Variants in PAN2 observed in about 807,000 individuals in gnomAD.
The protein encoded by PAN2 is poly(A) specific ribonuclease subunit PAN2, also known as PAN2-PAN3 deadenylation complex catalytic subunit PAN2.
In PAN2, 68 loss-of-function variants were observed where a neutral mutation model predicts 133.3. The observed-to-expected ratio is 0.51, with a 90% CI of 0.42 to 0.62. The LOEUF (loss-of-function observed/expected upper bound fraction) is 0.62. Among genes scored for constraint, PAN2 ranks in the 20% least tolerant of loss-of-function variants. The pLI is 0.00. For missense variants in PAN2, 1,042 were observed against 1,500.5 expected (o/e 0.69, Z 5.05); for synonymous variants, 462 against 544.6 (o/e 0.85, Z 2.11).
chr12:56,333,065 C>T lies in PAN2; in HGVS notation c.30G>A (p.Leu10=). The change falls in exon 2 of 26, where the codon CTG becomes CTA. Residue 10 remains leucine, a synonymous_variant. Coordinates refer to ENST00000440411, the MANE Select transcript of PAN2 (RefSeq NM_014871.6). Reference sequence around the variant, plus strand: ...AATGCATGGCTGGGGCATATTCTGCCAGTCCAGGGTCCAGACCCTCAAAGT... The same window carrying T: ...AATGCATGGCTGGGGCATATTCTGCTAGTCCAGGGTCCAGACCCTCAAAGT... The part of the protein sequence containing the change: MNFEGLDPG[L]AEYAPAMHSA... 6.2e-7 allele frequency: 1 copy of T among 1,614,124 alleles called. No homozygotes were observed. The highest frequency in any genetic ancestry group is 8.5e-7 in the Non-Finnish European group (1 of 1,180,026).
intron 2 of PAN2, among the ~76,000 whole-genome samples, chr12:56,329,583 G>A (rs537399325): frequency 6.7e-4 from 102 of 151,168 alleles, no homozygotes; most frequent in African/African-American, 2.1e-3. Context: ...CACCTGCCTC[G>A]GCCTCCCAAA....
Position 56,322,692 on chromosome 12 carries a change from G to A in PAN2, c.2560C>T (p.His854Tyr). The A allele has an allele frequency of 6.2e-7, 1 of 1,614,120 alleles. No homozygotes were observed. The highest frequency in any genetic ancestry group is 8.5e-7 in the Non-Finnish European group (1 of 1,180,008). Residue 854 changes from histidine to tyrosine, a missense_variant, in exon 18 of 26, where the codon CAC becomes TAC. Physicochemically the swap from His to Tyr is moderately conservative, Grantham distance 83. Transcript: ENST00000440411. ...CCCCCTGTGCGTGAGTCCAGGATGTGTACCACAGTAGCCATCAGGTCATAC... is the reference window on the plus strand; with the variant it reads ...CCCCCTGTGCGTGAGTCCAGGATGTATACCACAGTAGCCATCAGGTCATAC... ...YVYDLMATVV[H>Y]ILDSRTGGSL...
chr12:56,327,935 G>A (rs988944130), intron 5 of PAN2, 60 bp downstream of exon 5: 56 of 1,608,490 alleles, frequency 3.5e-5, no homozygotes, highest in South Asian at 5.5e-5. Context: ...AAAGCAGATC[G>A]CAATCAGGTA....
In PAN2 at chr12:56,325,047, G is replaced by T; in HGVS notation, c.1561C>A (p.Pro521Thr). The change falls in exon 10 of 26, where the codon CCC (proline) becomes ACC (threonine). Residue 521 changes from proline to threonine, a missense_variant. Transcript: ENST00000440411. ...YNKTLFAGLE[P>T]HIPNAYCNCM... Reference sequence around the variant, plus strand: ...TTACAGTAGGCGTTGGGAATGTGGGGCTCTAATCCAGCAAACAAGGTCTTA... The same window carrying T: ...TTACAGTAGGCGTTGGGAATGTGGGTCTCTAATCCAGCAAACAAGGTCTTA... 1 of 1,614,052 alleles carries T rather than the reference G, an allele frequency of 6.2e-7. No homozygotes were observed. The highest frequency in any genetic ancestry group is 8.5e-7 in the Non-Finnish European group (1 of 1,179,958).
rs764893192 is a variant in PAN2, at chr12:56,333,001, T to C, written c.94A>G (p.Ser32Gly). ...TCCAGCTCCACATTCTGTAGCAGAC[T>C]TGGGTTCAGGTGGGCATCCAAGACA... Reference protein sequence around the residue: ...DPVLDAHLNPSLLQNVELDPE... With the variant: ...DPVLDAHLNPGLLQNVELDPE... Residue 32 changes from serine to glycine, a missense_variant, in exon 2 of 26, where the codon AGT becomes GGT. This residue lies in a region of PAN2 where 908 missense variants were observed against 1,223.5 expected (regional missense o/e 0.74). Transcript: ENST00000440411. The C allele has an allele frequency of 6.2e-7, 1 of 1,614,194 alleles. No homozygotes were observed. Among genetic ancestry groups the C allele is most frequent in the Admixed American group, 1.7e-5 (1 of 60,018 alleles).
chr12:56,329,698 C>T (rs143954001), intron 2 of PAN2, among the ~76,000 whole-genome samples: 1 of 151,346 alleles, frequency 6.6e-6, no homozygotes, highest in African/African-American at 2.4e-5. Context: ...AATCCCAGCA[C>T]TTTGGGAGGC....
chr12:56,332,765 A>G, intron 2 of PAN2, 48 bp downstream of exon 2: 1 of 1,586,328 alleles, frequency 6.3e-7, no homozygotes, highest in South Asian at 1.1e-5. Context: ...AAGACCAGAT[A>G]AAGACCTTCA....
rs1199083282 is a variant in PAN2 at position 56,332,949 on chromosome 12, A to G, written c.146T>C (p.Leu49Pro). 1 of 1,614,208 alleles carries G rather than the reference A, an allele frequency of 6.2e-7. No individual in the cohort carries two copies. The highest frequency in any genetic ancestry group is 8.5e-7 in the Non-Finnish European group (1 of 1,180,034). ...LDPEGVALEA[L>P]PVQESVHIME... ...TATGTGCACTGATTCCTGGACGGGA[A>G]GAGCCTCCAAGGCCACTCCCTCTGG... Residue 49 changes from leucine to proline, a missense_variant, in exon 2 of 26, where the codon CTT becomes CCT. Coordinates refer to ENST00000440411, the MANE Select transcript of PAN2 (RefSeq NM_014871.6).
Position 56,317,272 on chromosome 12 carries a change from T to C in PAN2, c.*337A>G, listed in dbSNP as rs917290415. 13 of 308,548 alleles carry C rather than the reference T, an allele frequency of 4.2e-5. No individual in the cohort carries two copies. Among genetic ancestry groups the C allele is most frequent in the Middle Eastern group, 1.0e-3 (1 of 954 alleles). 19.1% of individuals were successfully genotyped at this position (308,548 alleles called of 1,614,324 possible). A position where few individuals can be genotyped will look rare whatever the true frequency, so the allele number is the denominator to read the frequency against. On this transcript the variant is annotated 3_prime_UTR_variant, in exon 26 of 26. Transcript: ENST00000440411. ...TCCAGGACTTCAATCCCTAGCCAGC[T>C]AGGAACTTACAGTTATGGTTCCAGG...
At position 56,329,942 on chromosome 12, in the gene PAN2, T is replaced by TAAA. The variant is rs11304868; in HGVS notation, c.283-1304_283-1302dup. Among the ~76,000 whole-genome samples, 153 of 130,126 alleles carry TAAA rather than the reference T, an allele frequency of 1.2e-3. 2 individuals carry two copies. The East Asian group carries it at 0.028, about 23-fold the overall frequency. The allele number at this position is 130,126 out of a possible 152,430, so 85.4% of individuals were successfully genotyped here. A position where few individuals can be genotyped will look rare whatever the true frequency, so the allele number is the denominator to read the frequency against. On this transcript the variant is annotated intron_variant, in intron 2 of 25. Coordinates refer to ENST00000440411, the MANE Select transcript of PAN2 (RefSeq NM_014871.6). ...CTGGGCAACAGAGTGAGATTCCACCTAAAAAAAAAAAAAAAAAAAAGCCCT... is the reference window on the plus strand; with the variant it reads ...CTGGGCAACAGAGTGAGATTCCACCTAAAAAAAAAAAAAAAAAAAAAAAGCCCT...
rs371831505 is a variant in PAN2 at position 56,332,894 on chromosome 12, G to A, written c.201C>T (p.Ser67=). The A allele has an allele frequency of 3.2e-5, 52 of 1,614,038 alleles. No individual in the cohort carries two copies. Among genetic ancestry groups the A allele is most frequent in the African/African-American group, 5.3e-5 (4 of 74,906 alleles). Residue 67 remains serine, a synonymous_variant, in exon 2 of 26, where the codon AGC becomes AGT. Transcript: ENST00000440411. ...IMEGVYSELH[S]VVAEVGVPVS... is the part of the protein sequence containing the mutation. ...CAGGTACACCCACTTCAGCCACCAC[G>A]CTGTGCAATTCAGAGTAGACACCTT...
chr12:56,332,686 A>G (rs1381978868), intron 2 of PAN2, 127 bp downstream of exon 2: 7 of 877,710 alleles, frequency 8.0e-6, no homozygotes, highest in Non-Finnish European at 1.3e-5. Context: ...TATCCCTCCA[A>G]CCAGACCCAG....
chr12:56,327,609 G>A lies in PAN2; in HGVS notation c.674C>T (p.Thr225Ile). The A allele has an allele frequency of 6.2e-7, 1 of 1,613,518 alleles. No homozygotes were observed. The highest frequency in any genetic ancestry group is 8.5e-7 in the Non-Finnish European group (1 of 1,179,590). The change falls in exon 6 of 26, where the codon ACT (threonine) becomes ATT (isoleucine). Residue 225 changes from threonine to isoleucine, a missense_variant. Thr to Ile is a moderately conservative substitution (Grantham distance 89). Around this residue, in one of 3 missense-constraint regions of PAN2, gnomAD observed 908 missense variants for 1,223.5 expected, o/e 0.74. Coordinates refer to ENST00000440411, the MANE Select transcript of PAN2 (RefSeq NM_014871.6). ...SGKVSLRDLR[T>I]FKVEHEFDAF... ...ATCAAACTCATGTTCCACCTTAAAA[G>A]TACGGAGGTCTCTCAGGGAAACCTA...
rs1875382931 is a variant in PAN2 at position 56,328,600 on chromosome 12, G to C, written c.324C>G (p.Tyr108Ter). 2.5e-6 allele frequency: 4 copies of C among 1,614,194 alleles called. No homozygotes were observed. The highest frequency in any genetic ancestry group is 2.5e-6 in the Non-Finnish European group (3 of 1,180,014). ...CACTGCCATTGACTTGAAAGGATGA[G>C]TAGCGCTCCAAGGCTGGGCCAAAAA... is the stretch of plus-strand genomic sequence containing the variant. ...TSFFGPALER[Y>*]SSFQVNGSDD... Residue 108 changes from tyrosine to a stop codon, truncating the protein, a stop_gained, in exon 3 of 26, where the codon TAC becomes TAG. Coordinates refer to ENST00000440411, the MANE Select transcript of PAN2 (RefSeq NM_014871.6). LOFTEE classifies it high-confidence loss of function.
At chr12:56,321,843 T>C (rs1283846194) in intron 20 of PAN2, among the ~76,000 whole-genome samples, 1 of 148,876 alleles carries the variant, frequency 6.7e-6, no homozygotes, top group African/African-American at 2.5e-5. Context: ...AGAGCAAGAC[T>C]GCATCTCAAA....
At chr12:56,331,700 G>GTTTTTTTTTTTTTT (rs67869491) in intron 2 of PAN2, among the ~76,000 whole-genome samples, 1 of 125,332 alleles carries the variant, frequency 8.0e-6, no homozygotes, top group African/African-American at 2.7e-5. Flanking sequence ...GAAGGACAGC[G>GTTTTTTTTTTTTTT]TTTTTTTTTT....
chr12:56,330,563 T>G (rs1432650324), intron 2 of PAN2, among the ~76,000 whole-genome samples: 1 of 151,028 alleles, frequency 6.6e-6, no homozygotes. Context: ...GTTTCACCGT[T>G]TTAGCCGGGA....
chr12:56,323,301 C>G lies in PAN2; in HGVS notation c.2345+10G>C. The G allele has an allele frequency of 6.2e-7, 1 of 1,614,072 alleles. No individual in the cohort carries two copies. The highest frequency in any genetic ancestry group is 1.1e-5 in the South Asian group (1 of 91,042). On this transcript the variant is annotated intron_variant, in intron 16 of 25. Transcript: ENST00000440411. ...TTCAATCCTTTGACAACTCCCAAGA[C>G]AGCACCTACCAATCAGCCAAAGCAA...
At position 56,324,656 on chromosome 12, in the gene PAN2, C is replaced by T; in HGVS notation, c.1653G>A (p.Gln551=). 1.2e-6 allele frequency: 2 copies of T among 1,614,146 alleles called. No individual in the cohort carries two copies. The highest frequency in any genetic ancestry group is 1.3e-5 in the African/African-American group (1 of 75,032). The change falls in exon 11 of 26, where the codon CAG becomes CAA. Residue 551 remains glutamine (Q), a synonymous_variant. Coordinates refer to ENST00000440411, the MANE Select transcript of PAN2 (RefSeq NM_014871.6). The stretch of plus-strand genomic sequence containing the variant: ...GCTCACATGCCAGACAGAACTCCTT[C>T]TGGCAAAGGTGGTTTTGAATTAGAC... ...VRCLIQNHLC[Q]KEFCLACELG...
Sources: allele counts gnomAD v4.1 joint callset (sites outside exome capture counted in the v4.1 genomes callset), GRCh38; gene constraint gnomAD v4.1.1; regional missense constraint gnomAD v4.1.1; transcripts MANE v1.5; gene names NCBI Gene and HGNC (gene_info 2026-07-23, HGNC 2026-07-21).